The following TMEM273 variants were observed in gnomAD, a reference collection of about 807,000 sequenced individuals.
TMEM273 encodes the protein chromosome 10 open reading frame 128.
TMEM273 carries 19 observed loss-of-function variants against 17.9 expected under a neutral mutation model. The observed-to-expected ratio is 1.06, with a 90% CI of 0.74 to 1.55. The LOEUF (loss-of-function observed/expected upper bound fraction) is 1.55. Among genes scored for constraint, TMEM273 ranks in the 40% most tolerant of loss-of-function variants. The probability of loss-of-function intolerance (pLI) is 0.00; values close to 1 mark genes in which losing one functional copy is unlikely to be tolerated. For synonymous variants in TMEM273, 66 were observed against 62.0 expected (o/e 1.07, Z -0.31); for missense variants, 194 against 155.6 (o/e 1.25, Z -1.31).
In TMEM273 at chr10:49,177,859, G is replaced by C. The variant is rs567174901; in HGVS notation, c.44-9897C>G. Among the ~76,000 whole-genome samples, 192 of 152,146 alleles carry C rather than the reference G, an allele frequency of 1.3e-3. 1 individual carries two copies. The highest frequency in any genetic ancestry group is 1.9e-3 in the Admixed American group (29 of 15,282). The stretch of plus-strand genomic sequence containing the variant: ...AGTGGGGCTAAGCATGGGCTGGCCA[G>C]GAGCTGGGATGGACACCAGTTTACT... On this transcript the variant is annotated intron_variant, in intron 1 of 6. Transcript: ENST00000374153.
chr10:49,175,298 A>G (rs1846878990), intron 1 of TMEM273, among the ~76,000 whole-genome samples: 1 of 152,154 alleles, frequency 6.6e-6, no homozygotes, highest in Admixed American at 6.5e-5. Flanking sequence ...CCCTGCTCCC[A>G]GAGGTGGGAG....
intron 1 of TMEM273, among the ~76,000 whole-genome samples, chr10:49,184,960 T>C (rs1355816412): frequency 6.6e-6 from 1 of 152,206 alleles, no homozygotes; most frequent in African/African-American, 2.4e-5. Flanking sequence ...AACGGGTAGA[T>C]AATGCAACGT....
At chr10:49,180,691 T>C (rs4838465) in intron 1 of TMEM273, among the ~76,000 whole-genome samples, 140,885 of 152,290 alleles carry the variant, frequency 0.93, 65,421 homozygotes, top group East Asian at 1. Flanking sequence ...ACCTCGATGA[T>C]ACAGAGTTAG....
chr10:49,170,346 T>C (rs965754162), intron 1 of TMEM273, among the ~76,000 whole-genome samples: 1 of 152,108 alleles, frequency 6.6e-6, no homozygotes, highest in African/African-American at 2.4e-5. Context: ...CCTTCCTCAT[T>C]GACTTCACCC....
At chr10:49,165,157 C>A in intron 5 of TMEM273, 48 bp downstream of exon 5, 1 of 1,507,446 alleles carries the variant, frequency 6.6e-7, no homozygotes, top group South Asian at 1.3e-5. Context: ...AAAACTAAAG[C>A]CAAGCAAAGA....
chr10:49,183,436 A>C (rs1847475531), intron 1 of TMEM273, among the ~76,000 whole-genome samples: 1 of 152,172 alleles, frequency 6.6e-6, no homozygotes, highest in South Asian at 2.1e-4. Context: ...TAAATTATTT[A>C]AAATAGGCAG....
At chr10:49,184,410 T>C (rs1847539632) in intron 1 of TMEM273, among the ~76,000 whole-genome samples, 2 of 152,072 alleles carry the variant, frequency 1.3e-5, no homozygotes, top group Non-Finnish European at 2.9e-5. Flanking sequence ...ACATGAAACA[T>C]ACAAATAATT....
chr10:49,164,140 C>A (rs926679603), intron 5 of TMEM273, among the ~76,000 whole-genome samples: 1 of 152,094 alleles, frequency 6.6e-6, no homozygotes, highest in Non-Finnish European at 1.5e-5. Flanking sequence ...TGGAAGTGTC[C>A]AGAAACTTTC....
chr10:49,175,067 G>T (rs147707311), intron 1 of TMEM273, among the ~76,000 whole-genome samples: 1 of 152,100 alleles, frequency 6.6e-6, no homozygotes, highest in East Asian at 1.9e-4. Flanking sequence ...CGGTGAGGTG[G>T]CAGCAGGGAC....
intron 1 of TMEM273, among the ~76,000 whole-genome samples, chr10:49,179,071 C>T (rs1265776987): frequency 6.6e-6 from 1 of 152,186 alleles, no homozygotes; most frequent in Non-Finnish European, 1.5e-5. Flanking sequence ...TGACCATCTG[C>T]TTCACTCAGA....
intron 1 of TMEM273, 113 bp from the exon 2 acceptor site, chr10:49,168,075 G>A: frequency 1.6e-6 from 2 of 1,284,086 alleles, no homozygotes; most frequent in Non-Finnish European, 2.2e-6. Context: ...GGAGCACAGA[G>A]GTGGGCTCCC....
intron 3 of TMEM273, among the ~76,000 whole-genome samples, chr10:49,166,235 G>A (rs193088116): frequency 6.6e-6 from 1 of 152,278 alleles, no homozygotes; most frequent in African/African-American, 2.4e-5. Context: ...GATACCCTGA[G>A]AGAAGGGATG....
rs1425981482 is a variant in TMEM273, at chr10:49,166,898, T to C, written c.209A>G (p.Asp70Gly). The C allele has an allele frequency of 3.6e-5, 58 of 1,613,740 alleles. No individual in the cohort carries two copies. In the Admixed American group the frequency reaches 9.7e-4, roughly 27 times the overall value. The change falls in exon 3 of 7, where the codon GAC becomes GGC. Residue 70 changes from aspartate to glycine, a missense_variant. Transcript: ENST00000374153. ...GAGGCCCCCAGGCGTGCTTTTCAGG[T>C]CGGAAGAGTCGTCGTCAAATAAGTG... is the stretch of plus-strand genomic sequence containing the variant. ...RRHLFDDDSSDLKSTPGGLSD... is the reference protein window; with the variant it reads ...RRHLFDDDSSGLKSTPGGLSD...
rs141549285 is a variant in TMEM273, at chr10:49,184,552, G to A, written c.43+3742C>T. Among the ~76,000 whole-genome samples, 1,499 of 152,320 alleles carry A rather than the reference G, an allele frequency of 9.8e-3. 19 individuals are homozygous for A. Among genetic ancestry groups the A allele is most frequent in the African/African-American group, 0.028 (1,182 of 41,564 alleles). ...AGAGAAAGTAGTTATTCCTAGTAGTGATTAGGAACACACAAACTAAAATAA... is the reference window on the plus strand; with the variant it reads ...AGAGAAAGTAGTTATTCCTAGTAGTAATTAGGAACACACAAACTAAAATAA... On this transcript the variant is annotated intron_variant, in intron 1 of 6. Coordinates refer to ENST00000374153, the MANE Select transcript of TMEM273 (RefSeq NM_001288740.3).
In TMEM273 at chr10:49,158,116, A is replaced by G. The variant is rs549894876; in HGVS notation, c.373-2207T>C. Among the ~76,000 whole-genome samples the G allele has an allele frequency of 7.9e-5, 12 of 152,350 alleles. No homozygotes were observed. The East Asian group carries it at 2.3e-3, about 29-fold the overall frequency. On this transcript the variant is annotated intron_variant, in intron 6 of 6. Coordinates refer to ENST00000374153, the MANE Select transcript of TMEM273 (RefSeq NM_001288740.3). ...ATATAACAAAAAATATGACAATCTT[A>G]TAAGAGTAAAATCTGAAAACTCTCC...
At chr10:49,177,476 T>C (rs1847059266) in intron 1 of TMEM273, among the ~76,000 whole-genome samples, 1 of 152,168 alleles carries the variant, frequency 6.6e-6, no homozygotes, top group Non-Finnish European at 1.5e-5. Context: ...CGCATTTGCA[T>C]TTGTGTGTGT....
At chr10:49,171,238 A>AC (rs1386993902) in intron 1 of TMEM273, among the ~76,000 whole-genome samples, 3 of 152,100 alleles carry the variant, frequency 2.0e-5, no homozygotes, top group Non-Finnish European at 2.9e-5. Flanking sequence ...ATCTGGCTTC[A>AC]CCCCATCTGA....
At chr10:49,184,561 C>T (rs1393524397) in intron 1 of TMEM273, among the ~76,000 whole-genome samples, 1 of 152,166 alleles carries the variant, frequency 6.6e-6, no homozygotes, top group African/African-American at 2.4e-5. Context: ...TGATTAGGAA[C>T]ACACAAACTA....
chr10:49,161,519 A>C, intron 6 of TMEM273, 80 bp downstream of exon 6: 1 of 1,591,966 alleles, frequency 6.3e-7, no homozygotes, highest in Non-Finnish European at 8.6e-7. Flanking sequence ...GGGAGAGGTC[A>C]TGCCGAAAAC....
Sources: allele counts gnomAD v4.1 joint callset (sites outside exome capture counted in the v4.1 genomes callset), GRCh38; gene constraint gnomAD v4.1.1; transcripts MANE v1.5; gene names NCBI Gene and HGNC (gene_info 2026-07-23, HGNC 2026-07-21).